The following FNIP1 variants were observed in gnomAD, a reference collection of about 807,000 sequenced individuals.
The protein encoded by FNIP1 is folliculin-interacting protein 1.
A neutral mutation model predicts 124.5 loss-of-function variants in FNIP1; 40 were observed. That is an observed-to-expected ratio of 0.32 (90% confidence interval 0.25 to 0.42). The LOEUF (loss-of-function observed/expected upper bound fraction) is 0.42, where lower values mean the gene tolerates loss of function less well. FNIP1 is among the 10% of genes least tolerant of loss of function. The probability of loss-of-function intolerance (pLI) is 1.00; values close to 1 mark genes in which losing one functional copy is unlikely to be tolerated. For synonymous variants in FNIP1, 472 were observed against 470.6 expected (o/e 1.00, Z -0.04); for missense variants, 1,176 against 1,403.7 (o/e 0.84, Z 2.59).
At chr5:131,659,097 G>C (rs1365211037) in intron 15 of FNIP1, among the ~76,000 whole-genome samples, 1 of 152,112 alleles carries the variant, frequency 6.6e-6, no homozygotes, top group East Asian at 1.9e-4. Flanking sequence ...CATACTCCTG[G>C]CTTGCTGACC....
At chr5:131,777,449 G>A (rs998062566) in intron 1 of FNIP1, among the ~76,000 whole-genome samples, 2 of 151,598 alleles carry the variant, frequency 1.3e-5, no homozygotes, top group African/African-American at 2.4e-5. Flanking sequence ...AATAACACAC[G>A]GTGCCCGAAA....
Position 131,671,677 on chromosome 5 carries a change from T to A in FNIP1, c.2767A>T (p.Lys923Ter). The A allele has an allele frequency of 1.9e-6, 3 of 1,614,216 alleles. No individual in the cohort carries two copies. The highest frequency in any genetic ancestry group is 2.5e-6 in the Non-Finnish European group (3 of 1,180,034). Residue 923 changes from lysine to a stop codon, truncating the protein, a stop_gained, in exon 14 of 18, where the codon AAA (lysine) becomes TAA (stop). Transcript: ENST00000510461. LOFTEE classifies it high-confidence loss of function. ...CATTCAGTTCCTACAGCAATTTTTT[T>A]ATCTGAACTCTCTTTATCCCCATGG... ...VPHGDKESSD[K>*]KIAVGTEWDI... is the part of the protein sequence containing the mutation.
chr5:131,706,441 G>C lies in FNIP1; in HGVS notation c.884C>G (p.Thr295Arg). The C allele has an allele frequency of 6.2e-7, 1 of 1,612,896 alleles. No individual in the cohort carries two copies. Among genetic ancestry groups the C allele is most frequent in the Non-Finnish European group, 8.5e-7 (1 of 1,179,444 alleles). ...YQRRWRRSQT[T>R]SLENGVFPRW... The stretch of plus-strand genomic sequence containing the variant: ...AGGAAATACCCCATTTTCCAAACTT[G>C]TTGTTTGGCTGCGTCGCCAACGTCG... The change falls in exon 9 of 18, where the codon ACA (threonine) becomes AGA (arginine). Residue 295 changes from threonine to arginine, a missense_variant. By Grantham distance (71) the Thr-to-Arg change is moderately conservative. Coordinates refer to ENST00000510461, the MANE Select transcript of FNIP1 (RefSeq NM_133372.3).
chr5:131,732,206 C>A (rs1195477198), intron 2 of FNIP1, among the ~76,000 whole-genome samples: 2 of 152,088 alleles, frequency 1.3e-5, no homozygotes, highest in African/African-American at 4.8e-5. Context: ...ATTTAACAAA[C>A]CTCAGGTAGG....
intron 13 of FNIP1, among the ~76,000 whole-genome samples, chr5:131,675,206 T>A (rs1767875534): frequency 6.6e-6 from 1 of 152,172 alleles, no homozygotes; most frequent in South Asian, 2.1e-4. Context: ...CCTCAATATC[T>A]CTGCCAGTCC....
intron 15 of FNIP1, among the ~76,000 whole-genome samples, chr5:131,660,665 CT>C (rs1767400211): frequency 6.6e-6 from 1 of 152,168 alleles, no homozygotes; most frequent in South Asian, 2.1e-4. Flanking sequence ...GGTGGCTGGC[CT>C]TGTGTCTATT....
At chr5:131,753,211 G>A (rs1164334728) in intron 1 of FNIP1, among the ~76,000 whole-genome samples, 1 of 152,204 alleles carries the variant, frequency 6.6e-6, no homozygotes, top group African/African-American at 2.4e-5. Context: ...TAGTAGGAGT[G>A]TAAAAGTGTA....
chr5:131,755,988 C>T (rs1771039583), intron 1 of FNIP1, among the ~76,000 whole-genome samples: 1 of 151,032 alleles, frequency 6.6e-6, no homozygotes, highest in Admixed American at 6.6e-5. Context: ...GTATTCCAGC[C>T]TGGGCGACAG....
intron 6 of FNIP1, among the ~76,000 whole-genome samples, chr5:131,714,927 T>C (rs1230718543): frequency 6.6e-6 from 1 of 152,196 alleles, no homozygotes; most frequent in Non-Finnish European, 1.5e-5. Context: ...AGCAGAGTGC[T>C]TGGTATATTA....
intron 1 of FNIP1, 94 bp from the exon 2 acceptor site, chr5:131,744,784 C>T (rs1770620627): frequency 1.0e-6 from 1 of 952,544 alleles, no homozygotes; most frequent in Non-Finnish European, 1.4e-6. Context: ...TATAATAAAG[C>T]CCAAAATTAT....
At chr5:131,743,271 G>T (rs1770569652) in intron 2 of FNIP1, among the ~76,000 whole-genome samples, 1 of 152,118 alleles carries the variant, frequency 6.6e-6, no homozygotes, top group Admixed American at 6.5e-5. Context: ...TCTAGACACT[G>T]ATGAGTTTCT....
chr5:131,743,138 G>A (rs1770565155), intron 2 of FNIP1, among the ~76,000 whole-genome samples: 2 of 152,084 alleles, frequency 1.3e-5, no homozygotes, highest in Non-Finnish European at 2.9e-5. Context: ...GAGAAAATCA[G>A]AAAGGATTCA....
At chr5:131,684,509 C>T (rs1230503370) in intron 11 of FNIP1, among the ~76,000 whole-genome samples, 1 of 151,722 alleles carries the variant, frequency 6.6e-6, no homozygotes, top group Admixed American at 6.6e-5. Flanking sequence ...GCAAAATAAT[C>T]AAACAATACA....
chr5:131,729,313 C>A (rs960602242), intron 3 of FNIP1, among the ~76,000 whole-genome samples: 29 of 152,178 alleles, frequency 1.9e-4, no homozygotes, highest in African/African-American at 7.0e-4. Flanking sequence ...TGCTCTGTCC[C>A]AGGGAGATGG....
intron 11 of FNIP1, among the ~76,000 whole-genome samples, chr5:131,685,540 C>T (rs1311202047): frequency 2.0e-5 from 3 of 151,086 alleles, no homozygotes; most frequent in Non-Finnish European, 1.5e-5. Flanking sequence ...CCTCCGCCTC[C>T]GAGGCTCCCT....
chr5:131,679,300 C>T, intron 11 of FNIP1, 125 bp from the exon 12 acceptor site: 1 of 639,012 alleles, frequency 1.6e-6, no homozygotes, highest in Non-Finnish European at 2.8e-6. Context: ...TGAGGAAAGA[C>T]AATGGACCAA....
chr5:131,647,929 G>A (rs1235941517), intron 16 of FNIP1, among the ~76,000 whole-genome samples: 1 of 151,776 alleles, frequency 6.6e-6, no homozygotes, highest in Admixed American at 6.6e-5. Flanking sequence ...CTTTTCAAAT[G>A]TATTTACATA....
Position 131,642,484 on chromosome 5 carries a change from G to A in FNIP1, c.*2201C>T, listed in dbSNP as rs577226687. Reference sequence around the variant, plus strand: ...TTATTGAGGACTAGAATTTCTAAACGGTAATTAAACATTTTAAATAAAGAA... The same window carrying A: ...TTATTGAGGACTAGAATTTCTAAACAGTAATTAAACATTTTAAATAAAGAA... On this transcript the variant is annotated 3_prime_UTR_variant, in exon 18 of 18. Transcript: ENST00000510461. The A allele has an allele frequency of 1.2e-4, 18 of 151,984 alleles. No individual in the cohort carries two copies. In the East Asian group the frequency reaches 1.7e-3, roughly 14 times the overall value. 9.4% of individuals were successfully genotyped at this position (151,984 alleles called of 1,614,324 possible).
chr5:131,657,269 T>C (rs1767224411), intron 15 of FNIP1, among the ~76,000 whole-genome samples: 1 of 152,060 alleles, frequency 6.6e-6, no homozygotes, highest in Admixed American at 6.6e-5. Context: ...CCTAAGGTGC[T>C]GGGATTACAG....
Sources: allele counts gnomAD v4.1 joint callset (sites outside exome capture counted in the v4.1 genomes callset), GRCh38; gene constraint gnomAD v4.1.1; transcripts MANE v1.5; gene names NCBI Gene and HGNC (gene_info 2026-07-23, HGNC 2026-07-21).